The following POU2F1 variants were observed in gnomAD, a reference collection of about 807,000 sequenced individuals.
POU2F1 encodes POU class 2 homeobox 1, also known as POU domain, class 2, transcription factor 1.
Under a neutral mutation model 84.9 loss-of-function variants are expected in POU2F1, and 16 were observed. The ratio of observed to expected loss-of-function variants is 0.19; its 90% CI spans 0.13 to 0.29. The LOEUF is 0.29. POU2F1 is among the 10% of genes least tolerant of loss of function. The pLI, the probability that POU2F1 is intolerant of heterozygous loss-of-function variation, is 1.00. For synonymous variants in POU2F1, 368 were observed against 368.3 expected, an observed-to-expected ratio of 1.00 and a Z score of 0.01; for missense variants, 738 against 942.6, an observed-to-expected ratio of 0.78 and a Z score of 2.84.
chr1:167,426,894 T>C lies in POU2F1; in HGVS notation c.*11084T>C, dbSNP rs1650983502. The C allele has an allele frequency of 6.6e-6, 1 of 152,138 alleles. No homozygotes were observed. The highest frequency in any genetic ancestry group is 2.4e-5 in the African/African-American group (1 of 41,396). 9.4% of individuals were successfully genotyped at this position (152,138 alleles called of 1,614,324 possible). Reference sequence around the variant, plus strand: ...CACTCTGGGTGGCTATTGTGTAGCCTTACTGCCCCAGAGTGCCTGTTAGCC... The same window carrying C: ...CACTCTGGGTGGCTATTGTGTAGCCCTACTGCCCCAGAGTGCCTGTTAGCC... On this transcript the variant is annotated 3_prime_UTR_variant, in exon 16 of 16. Transcript: ENST00000367866.
At position 167,359,449 on chromosome 1, in the gene POU2F1, C is replaced by T. The variant is rs865891712; in HGVS notation, c.128-6018C>T. 2.0e-5 allele frequency among the ~76,000 whole-genome samples: 3 copies of T among 152,274 alleles called. No individual in the cohort carries two copies. In the South Asian group the frequency reaches 6.2e-4, roughly 32 times the overall value. On this transcript the variant is annotated intron_variant, in intron 2 of 15. Transcript: ENST00000367866. ...GTGAGAATATGTGGTATTTGGTTTT[C>T]TGTTCCTGTGTTAATTCACTTAGGA...
rs771305534 is a variant in POU2F1, at chr1:167,415,678, A to G, written c.2169A>G (p.Ala723=). ...VSLVSAAAAS[A]GNSAPVASLH... ...TGGTCTCTGCCGCCGCAGCATCTGCAGGGAACTCTGCACCTGTAGCCAGCC... is the reference window on the plus strand; with the variant it reads ...TGGTCTCTGCCGCCGCAGCATCTGCGGGGAACTCTGCACCTGTAGCCAGCC... Residue 723 remains alanine, a synonymous_variant, in exon 16 of 16, where the codon GCA becomes GCG. Coordinates refer to ENST00000367866, the MANE Select transcript of POU2F1 (RefSeq NM_002697.4). 1 of 1,614,180 alleles carries G rather than the reference A, an allele frequency of 6.2e-7. No individual in the cohort carries two copies. Among genetic ancestry groups the G allele is most frequent in the Non-Finnish European group, 8.5e-7 (1 of 1,180,028 alleles).
At chr1:167,329,022 T>C in intron 1 of POU2F1, 1 of 1,123,234 alleles carries the variant, frequency 8.9e-7, no homozygotes, top group Non-Finnish European at 1.1e-6. Context: ...ACAATGTCAG[T>C]CCTAGCTGGT....
chr1:167,387,083 G>A (rs1369463493), intron 8 of POU2F1: 7 of 443,144 alleles, frequency 1.6e-5, no homozygotes, highest in Non-Finnish European at 2.3e-5. Context: ...GCCTATACCA[G>A]AGACTTCTTC....
rs769338452 is a variant in POU2F1 at position 167,370,166 on chromosome 1, A to C, written c.234A>C (p.Gln78His). ...CTTCCCCTGATTACTTATAGGTCCAACTCGCTGGAACAAGTTTACAGGCTG... is the reference window on the plus strand; with the variant it reads ...CTTCCCCTGATTACTTATAGGTCCACCTCGCTGGAACAAGTTTACAGGCTG... ...QAFLGHLHQV[Q>H]LAGTSLQAAA... The change falls in exon 4 of 16, where the codon CAA (glutamine) becomes CAC (histidine). Residue 78 changes from glutamine (Q) to histidine (H), a missense_variant. Coordinates refer to ENST00000367866, the MANE Select transcript of POU2F1 (RefSeq NM_002697.4). The C allele has an allele frequency of 1.9e-6, 3 of 1,606,630 alleles. No homozygotes were observed. The highest frequency in any genetic ancestry group is 2.6e-6 in the Non-Finnish European group (3 of 1,174,814).
At position 167,353,610 on chromosome 1, in the gene POU2F1, T is replaced by C. The variant is rs146564963; in HGVS notation, c.128-11857T>C. 6.7e-3 allele frequency among the ~76,000 whole-genome samples: 1,014 copies of C among 152,338 alleles called. 8 individuals carry two copies. Among genetic ancestry groups the C allele is most frequent in the Non-Finnish European group, 8.2e-3 (555 of 68,028 alleles). On this transcript the variant is annotated intron_variant, in intron 2 of 15. Coordinates refer to ENST00000367866, the MANE Select transcript of POU2F1 (RefSeq NM_002697.4). ...CGCTGTCCCGCCAGTACCTGACTTA[T>C]GAAAGAAACGATCATCACTCACCAC...
intron 1 of POU2F1, among the ~76,000 whole-genome samples, chr1:167,309,069 A>C (rs1655279695): frequency 6.8e-6 from 1 of 147,644 alleles, no homozygotes; most frequent in African/African-American, 2.5e-5. Context: ...TTTTTCACAT[A>C]TTCCCATAAT....
At chr1:167,375,363 G>T (rs1306630253) in intron 6 of POU2F1, among the ~76,000 whole-genome samples, 1 of 152,144 alleles carries the variant, frequency 6.6e-6, no homozygotes, top group African/African-American at 2.4e-5. Context: ...AATGTTTTTA[G>T]TGCCTAAGCT....
chr1:167,263,853 T>C (rs1410683953), intron 1 of POU2F1, among the ~76,000 whole-genome samples: 1 of 152,180 alleles, frequency 6.6e-6, no homozygotes, highest in East Asian at 1.9e-4. Context: ...GTCTTAAGAA[T>C]AAAAGGGAGG....
intron 5 of POU2F1, 56 bp downstream of exon 5, chr1:167,372,092 G>A (rs1660043294): frequency 1.9e-6 from 3 of 1,570,618 alleles, no homozygotes; most frequent in South Asian, 1.2e-5. Flanking sequence ...AACTGCCATT[G>A]GCCAATAGCT....
chr1:167,298,130 AAAC>A (rs71572442), intron 1 of POU2F1, among the ~76,000 whole-genome samples: 100 of 148,920 alleles, frequency 6.7e-4, no homozygotes, highest in African/African-American at 2.2e-3. Context: ...CCATCTCCAA[AAAC>A]AACAACAACA....
At chr1:167,323,257 C>T (rs959378704) in intron 1 of POU2F1, among the ~76,000 whole-genome samples, 5 of 152,132 alleles carry the variant, frequency 3.3e-5, no homozygotes, top group Middle Eastern at 3.2e-3. Flanking sequence ...ATAGGCTAGA[C>T]AGATAAGTTT....
chr1:167,408,429 T>G (rs912934654), intron 13 of POU2F1, among the ~76,000 whole-genome samples: 2 of 152,226 alleles, frequency 1.3e-5, no homozygotes, highest in African/African-American at 4.8e-5. Context: ...GCAGCCTTAT[T>G]TATAATATCC....
intron 1 of POU2F1, among the ~76,000 whole-genome samples, chr1:167,266,350 G>A (rs1425264042): frequency 6.6e-6 from 1 of 152,064 alleles, no homozygotes; most frequent in Non-Finnish European, 1.5e-5. Context: ...AATCAGGTTG[G>A]GTAGTAATTC....
intron 1 of POU2F1, among the ~76,000 whole-genome samples, chr1:167,223,557 T>G (rs145023455): frequency 6.6e-6 from 1 of 152,206 alleles, no homozygotes; most frequent in African/African-American, 2.4e-5. Context: ...TTTGAAATTA[T>G]GTTAAGACAT....
In POU2F1 at chr1:167,411,941, A is replaced by G. The variant is rs1159331122; in HGVS notation, c.1556-18A>G. 5 of 1,597,268 alleles carry G rather than the reference A, an allele frequency of 3.1e-6. No individual in the cohort carries two copies. In the South Asian group the frequency reaches 5.6e-5, roughly 18 times the overall value. On this transcript the variant is annotated intron_variant, in intron 13 of 15. Coordinates refer to ENST00000367866, the MANE Select transcript of POU2F1 (RefSeq NM_002697.4). ...ACCATTTACAAAAGGTCATCTTCTAATCTGTTTGTCTTTTCAGGCACTTCA... is the reference window on the plus strand; with the variant it reads ...ACCATTTACAAAAGGTCATCTTCTAGTCTGTTTGTCTTTTCAGGCACTTCA...
chr1:167,246,650 G>A (rs908862032), intron 1 of POU2F1, among the ~76,000 whole-genome samples: 2 of 152,112 alleles, frequency 1.3e-5, no homozygotes. Flanking sequence ...GCAGTAAATT[G>A]GACACTCATA....
chr1:167,280,330 G>C (rs1421522415), intron 1 of POU2F1, among the ~76,000 whole-genome samples: 1 of 150,788 alleles, frequency 6.6e-6, no homozygotes, highest in South Asian at 2.1e-4. Flanking sequence ...TTTTTAAAGA[G>C]AGATTTTATT....
intron 1 of POU2F1, among the ~76,000 whole-genome samples, chr1:167,314,713 G>A (rs1348871356): frequency 6.6e-6 from 1 of 152,170 alleles, no homozygotes; most frequent in African/African-American, 2.4e-5. Context: ...GGTTGAGGCT[G>A]TAGTGAGCTG....
Sources: allele counts gnomAD v4.1 joint callset (sites outside exome capture counted in the v4.1 genomes callset), GRCh38; gene constraint gnomAD v4.1.1; transcripts MANE v1.5; gene names NCBI Gene and HGNC (gene_info 2026-07-23, HGNC 2026-07-21).